Variants in EXOC4 observed in about 807,000 individuals in gnomAD.
The protein encoded by EXOC4 is exocyst complex component 4.
In EXOC4, 71 loss-of-function variants were observed where a neutral mutation model predicts 107.2. That is an observed-to-expected ratio of 0.66 (90% CI 0.55 to 0.81). The LOEUF (loss-of-function observed/expected upper bound fraction) is 0.81, where lower values mean the gene tolerates loss of function less well. Ranked by LOEUF, EXOC4 falls within the 30% of genes least tolerant of loss-of-function variation. The pLI, the probability that EXOC4 is intolerant of heterozygous loss-of-function variation, is 0.00. For missense variants in EXOC4, 1,108 were observed against 1,189.6 expected (o/e 0.93, Z 1.01); for synonymous variants, 456 against 441.2 (o/e 1.03, Z -0.42).
At chr7:133,764,844 C>T (rs926614530) in intron 10 of EXOC4, among the ~76,000 whole-genome samples, 3 of 152,094 alleles carry the variant, frequency 2.0e-5, no homozygotes, top group South Asian at 2.1e-4. Flanking sequence ...TTCTCTTTGA[C>T]ATCTGGAAGG....
intron 9 of EXOC4, among the ~76,000 whole-genome samples, chr7:133,547,378 G>T (rs375500443): frequency 6.6e-6 from 1 of 152,164 alleles, no homozygotes; most frequent in Non-Finnish European, 1.5e-5. Context: ...TTGCCTTGAT[G>T]TTTGTGGCTG....
rs1302781503 is a variant in EXOC4, at chr7:133,425,984, A to G, written c.1183-49344A>G. Among the ~76,000 whole-genome samples, 4 of 152,316 alleles carry G rather than the reference A, an allele frequency of 2.6e-5. No homozygotes were observed. In the South Asian group the frequency reaches 6.2e-4, roughly 24 times the overall value. ...CGTCTGATGCCTCCCTGAAATGTGT[A>G]AAACCAAACTGCACCTCGACCACCT... is the stretch of plus-strand genomic sequence containing the variant. On this transcript the variant is annotated intron_variant, in intron 7 of 17. Transcript: ENST00000253861.
At chr7:134,099,185 C>T in the EXOC4 span, among the ~76,000 whole-genome samples, 3 of 151,992 alleles carry the variant, frequency 2.0e-5, no homozygotes, top group African/African-American at 7.3e-5. Flanking sequence ...GCCTCTAATC[C>T]CATAAATGGT....
chr7:133,391,698 T>TAC (rs1186630955), intron 7 of EXOC4, among the ~76,000 whole-genome samples: 1 of 152,196 alleles, frequency 6.6e-6, no homozygotes, highest in African/African-American at 2.4e-5. Flanking sequence ...ATTAGTTTAG[T>TAC]ACAGTGCACT....
rs181486482 is a variant in EXOC4 at position 133,886,889 on chromosome 7, T to G, written c.1735-8710T>G. On this transcript the variant is annotated intron_variant, in intron 11 of 17. Transcript: ENST00000253861. ...AAATTCTTGAAAAATGGAAACTTTTTTCCCTGTAAAAATACCCATCATTTG... is the reference window on the plus strand; with the variant it reads ...AAATTCTTGAAAAATGGAAACTTTTGTCCCTGTAAAAATACCCATCATTTG... Among the ~76,000 whole-genome samples, 296 of 152,322 alleles carry G rather than the reference T, an allele frequency of 1.9e-3. 2 individuals are homozygous for G. The highest frequency in any genetic ancestry group is 6.7e-3 in the African/African-American group (279 of 41,574).
At chr7:133,703,418 G>C (rs893832356) in intron 10 of EXOC4, among the ~76,000 whole-genome samples, 5 of 152,150 alleles carry the variant, frequency 3.3e-5, no homozygotes, top group African/African-American at 1.2e-4. Context: ...AGTATATGTG[G>C]CATGAACATG....
chr7:133,943,997 T>C (rs186909361), intron 14 of EXOC4, among the ~76,000 whole-genome samples: 5 of 152,306 alleles, frequency 3.3e-5, no homozygotes, highest in Admixed American at 3.3e-4. Context: ...AATTTTGTTG[T>C]ATAATATTTT....
intron 10 of EXOC4, among the ~76,000 whole-genome samples, chr7:133,801,671 AT>A (rs746347270): frequency 5.9e-5 from 9 of 152,194 alleles, no homozygotes; most frequent in Non-Finnish European, 1.0e-4. Context: ...ACATAGTCTA[AT>A]TATTCTTCGA....
intron 11 of EXOC4, among the ~76,000 whole-genome samples, chr7:133,881,856 T>C (rs536325054): frequency 6.6e-6 from 1 of 152,304 alleles, no homozygotes; most frequent in African/African-American, 2.4e-5. Flanking sequence ...TGTATTAGAA[T>C]AGCAATACAT....
At position 133,281,135 on chromosome 7, in the gene EXOC4, A is replaced by G. The variant is rs769351170; in HGVS notation, c.276+5964A>G. 5.5e-4 allele frequency among the ~76,000 whole-genome samples: 83 copies of G among 152,162 alleles called. 1 individual carries two copies. Among genetic ancestry groups the G allele is most frequent in the Non-Finnish European group, 8.2e-4 (56 of 68,024 alleles). Reference sequence around the variant, plus strand: ...CCCGGGGAAAGAAAGCACAGACAGTACAAGTTTGAAGGTAATTTAAAGATG... The same window carrying G: ...CCCGGGGAAAGAAAGCACAGACAGTGCAAGTTTGAAGGTAATTTAAAGATG... On this transcript the variant is annotated intron_variant, in intron 2 of 17. Transcript: ENST00000253861.
At chr7:134,005,174 G>A in intron 16 of EXOC4, 84 bp downstream of exon 16, 1 of 1,384,648 alleles carries the variant, frequency 7.2e-7, no homozygotes, top group East Asian at 2.3e-5. Context: ...TGAAGTTCAA[G>A]ACTTGTAGAA....
At chr7:133,305,007 A>G (rs1002749055) in intron 3 of EXOC4, among the ~76,000 whole-genome samples, 1 of 152,038 alleles carries the variant, frequency 6.6e-6, no homozygotes, top group Non-Finnish European at 1.5e-5. Flanking sequence ...CAAGATCTTT[A>G]CACATAAAAA....
chr7:133,642,025 C>A (rs1030314384), intron 10 of EXOC4, among the ~76,000 whole-genome samples: 1 of 152,096 alleles, frequency 6.6e-6, no homozygotes, highest in African/African-American at 2.4e-5. Flanking sequence ...ATTATATTTT[C>A]TTTTTTACAT....
intron 10 of EXOC4, among the ~76,000 whole-genome samples, chr7:133,759,610 A>T (rs533126490): frequency 4.0e-4 from 61 of 152,298 alleles, no homozygotes; most frequent in African/African-American, 1.4e-3. Context: ...TCAAACCCTG[A>T]TAGTATGACT....
At chr7:134,024,771 G>T (rs1267631551) in intron 17 of EXOC4, among the ~76,000 whole-genome samples, 5 of 152,128 alleles carry the variant, frequency 3.3e-5, no homozygotes, top group Admixed American at 3.3e-4. Context: ...AACTCTGATC[G>T]GGGAGCTAAG....
chr7:133,848,255 G>T (rs1172193810), intron 11 of EXOC4, among the ~76,000 whole-genome samples: 2 of 152,164 alleles, frequency 1.3e-5, no homozygotes, highest in Non-Finnish European at 2.9e-5. Context: ...GCTTCAGGAA[G>T]AATGCAGAGG....
chr7:133,822,770 C>T (rs1797553539), intron 11 of EXOC4, among the ~76,000 whole-genome samples: 1 of 152,162 alleles, frequency 6.6e-6, no homozygotes, highest in Non-Finnish European at 1.5e-5. Context: ...GATTTTGGTA[C>T]TCGCTAAAGT....
chr7:133,526,067 A>G (rs554978680), intron 9 of EXOC4, among the ~76,000 whole-genome samples: 5 of 152,306 alleles, frequency 3.3e-5, no homozygotes, highest in African/African-American at 7.2e-5. Flanking sequence ...GACAAGGCCT[A>G]TAGTGCTGCT....
chr7:134,025,817 C>G (rs1023062886), intron 17 of EXOC4, among the ~76,000 whole-genome samples: 1 of 152,286 alleles, frequency 6.6e-6, no homozygotes, highest in East Asian at 1.9e-4. Context: ...GGCCTAGACC[C>G]AGGACGAGCA....
Sources: allele counts gnomAD v4.1 joint callset (sites outside exome capture counted in the v4.1 genomes callset), GRCh38; gene constraint gnomAD v4.1.1; transcripts MANE v1.5; gene names NCBI Gene and HGNC (gene_info 2026-07-23, HGNC 2026-07-21).